The following MID2 variants were observed in gnomAD, a reference collection of about 807,000 sequenced individuals.
The protein encoded by MID2 is probable E3 ubiquitin-protein ligase MID2.
MID2 carries 13 observed loss-of-function variants against 46.1 expected under a neutral mutation model. The observed-to-expected ratio is 0.28, with a 90% CI of 0.18 to 0.45. The LOEUF (loss-of-function observed/expected upper bound fraction) is 0.45. Ranked by LOEUF, MID2 falls within the 20% of genes least tolerant of loss-of-function variation. MID2 has a pLI of 1.00. For missense variants in MID2, 431 were observed against 575.4 expected (o/e 0.75, Z 2.57); for synonymous variants, 199 against 212.3 (o/e 0.94, Z 0.55).
At chrX:107,919,618 C>A (rs1451039229) in intron 7 of MID2, among the ~76,000 whole-genome samples, 1 of 111,996 alleles carries the variant, frequency 8.9e-6, no homozygotes. Flanking sequence ...ATCCTAGTAT[C>A]ATTTTTAAGA....
At position 107,927,500 on chromosome X, in the gene MID2, A is replaced by G. The variant is rs905068948; in HGVS notation, c.*427A>G. Among the ~76,000 whole-genome samples, 4 of 111,550 alleles carry G rather than the reference A, an allele frequency of 3.6e-5. No individual in the cohort carries two copies. The highest frequency in any genetic ancestry group is 2.9e-4 in the Admixed American group (3 of 10,502). On this transcript the variant is annotated 3_prime_UTR_variant, in exon 10 of 10. Coordinates refer to ENST00000262843, the MANE Select transcript of MID2 (RefSeq NM_012216.4). ...CCAGTTTGGCCATGTAGAATTTTGA[A>G]CAGTGTCAAATTATCACATATTATA...
At chrX:107,906,310 G>A (rs1304397143) in intron 5 of MID2, among the ~76,000 whole-genome samples, 2 of 111,019 alleles carry the variant, frequency 1.8e-5, no homozygotes, top group Non-Finnish European at 1.9e-5. Context: ...GAAGACCTTG[G>A]CTCCAGGCTC....
Position 107,917,521 on chromosome X carries a change from C to A in MID2, c.1217C>A (p.Ser406Tyr), listed in dbSNP as rs1932991373. 2 of 1,209,349 alleles carry A rather than the reference C, an allele frequency of 1.7e-6. No homozygotes were observed. The highest frequency in any genetic ancestry group is 3.5e-5 in the African/African-American group (2 of 57,701). Residue 406 changes from serine to tyrosine, a missense_variant, in exon 7 of 10, where the codon TCT becomes TAT. Transcript: ENST00000262843. ...LDYLTAPNPP[S>Y]IREELCTASH... ...TTCCTTACAGCCCCAAACCCACCAT[C>A]TATCCGAGAAGAACTCTGTACTGCC... is the stretch of plus-strand genomic sequence containing the variant.
intron 2 of MID2, among the ~76,000 whole-genome samples, chrX:107,847,249 G>T (rs957210315): frequency 8.9e-6 from 1 of 111,929 alleles, no homozygotes; most frequent in Non-Finnish European, 1.9e-5. Flanking sequence ...AGGAAATAAG[G>T]CACAATCCCA....
chrX:107,883,099 G>A (rs533057787), intron 3 of MID2, among the ~76,000 whole-genome samples: 2 of 111,327 alleles, frequency 1.8e-5, no homozygotes, highest in African/African-American at 6.5e-5. Context: ...GCTATCACAA[G>A]AACAGAAAAC....
At chrX:107,868,708 C>T (rs1364740156) in intron 3 of MID2, among the ~76,000 whole-genome samples, 1 of 111,178 alleles carries the variant, frequency 9.0e-6, no homozygotes, top group Non-Finnish European at 1.9e-5. Flanking sequence ...AGGGTTGAAG[C>T]TTTGTGGATG....
At chrX:107,884,952 C>A (rs941286205) in intron 3 of MID2, among the ~76,000 whole-genome samples, 10 of 111,735 alleles carry the variant, frequency 8.9e-5, no homozygotes, top group African/African-American at 3.3e-4. Context: ...CAAGCCATAA[C>A]AACTACACAG....
At chrX:107,881,638 G>T (rs748602811) in intron 3 of MID2, among the ~76,000 whole-genome samples, 1 of 112,175 alleles carries the variant, frequency 8.9e-6, no homozygotes, top group African/African-American at 3.2e-5. Context: ...AGCATGGATG[G>T]GGTGTATAGT....
chrX:107,874,352 T>C (rs1442156917), intron 3 of MID2, among the ~76,000 whole-genome samples: 1 of 112,470 alleles, frequency 8.9e-6, no homozygotes, highest in African/African-American at 3.2e-5. Context: ...TCCTGACACA[T>C]TATGTGGAGT....
intron 3 of MID2, among the ~76,000 whole-genome samples, chrX:107,879,216 C>T (rs1932268602): frequency 8.9e-6 from 1 of 111,935 alleles, no homozygotes. Flanking sequence ...TGGAGGGTCA[C>T]GGTGACTGCC....
chrX:107,871,185 A>G (rs927456046), intron 3 of MID2, among the ~76,000 whole-genome samples: 18 of 111,194 alleles, frequency 1.6e-4, no homozygotes, highest in Non-Finnish European at 1.9e-5. Flanking sequence ...CTTTGATTAC[A>G]AGGTTATTTA....
intron 3 of MID2, among the ~76,000 whole-genome samples, chrX:107,891,334 G>T (rs1233683833): frequency 1.0e-5 from 1 of 99,079 alleles, no homozygotes; most frequent in African/African-American, 3.8e-5. Context: ...AGGCTGGAAT[G>T]CAGTGGCGCA....
At chrX:107,863,039 A>G (rs1269528007) in intron 3 of MID2, among the ~76,000 whole-genome samples, 2 of 112,292 alleles carry the variant, frequency 1.8e-5, no homozygotes, top group African/African-American at 6.5e-5. Context: ...TATTAAGAAT[A>G]TAACGATTGA....
At chrX:107,898,979 C>T (rs1342556662) in intron 3 of MID2, among the ~76,000 whole-genome samples, 3 of 110,636 alleles carry the variant, frequency 2.7e-5, no homozygotes, top group Non-Finnish European at 3.8e-5. Context: ...TATCTTGTTC[C>T]ATCTGAACAG....
intron 3 of MID2, among the ~76,000 whole-genome samples, chrX:107,883,387 A>G (rs1039781122): frequency 2.7e-5 from 3 of 111,654 alleles, no homozygotes; most frequent in African/African-American, 9.8e-5. Context: ...GAGGGAATAG[A>G]TCAAACAAGT....
At chrX:107,845,637 A>G (rs1158440424) in intron 2 of MID2, among the ~76,000 whole-genome samples, 1 of 109,380 alleles carries the variant, frequency 9.1e-6, no homozygotes, top group Non-Finnish European at 1.9e-5. Context: ...TGTTCAAAGG[A>G]ACGCCACAAT....
chrX:107,845,121 A>G (rs960637145), intron 2 of MID2, among the ~76,000 whole-genome samples: 1 of 111,914 alleles, frequency 8.9e-6, no homozygotes, highest in African/African-American at 3.3e-5. Context: ...GACAATGTTC[A>G]AAACCAGAGT....
intron 3 of MID2, among the ~76,000 whole-genome samples, chrX:107,879,858 G>A (rs1020023243): frequency 4.5e-5 from 5 of 110,790 alleles, no homozygotes; most frequent in African/African-American, 1.6e-4. Flanking sequence ...AATGCTCCAT[G>A]AATATAAGGG....
At chrX:107,925,863 C>T (rs1340392742) in intron 8 of MID2, among the ~76,000 whole-genome samples, 5 of 109,851 alleles carry the variant, frequency 4.6e-5, no homozygotes, top group African/African-American at 1.3e-4. Flanking sequence ...GGAAAATAAA[C>T]GCCGTTATGA....
Sources: allele counts gnomAD v4.1 joint callset (sites outside exome capture counted in the v4.1 genomes callset), GRCh38; gene constraint gnomAD v4.1.1; transcripts MANE v1.5; gene names NCBI Gene and HGNC (gene_info 2026-07-23, HGNC 2026-07-21).